The following FLRT1 variants were observed in gnomAD, a reference collection of about 807,000 sequenced individuals.
FLRT1 encodes the protein fibronectin leucine rich transmembrane protein 1, also known as leucine-rich repeat transmembrane protein FLRT1.
A neutral mutation model predicts 30.9 loss-of-function variants in FLRT1; 14 were observed. That is an observed-to-expected ratio of 0.45 (90% CI 0.30 to 0.71). FLRT1 has a LOEUF of 0.71. Ranked by LOEUF, FLRT1 falls within the 30% of genes least tolerant of loss-of-function variation. FLRT1 has a pLI of 0.08. For synonymous variants in FLRT1, 368 were observed against 430.4 expected, an observed-to-expected ratio of 0.85 and a Z score of 1.80; for missense variants, 737 against 949.2, an observed-to-expected ratio of 0.78 and a Z score of 2.94.
At chr11:64,078,679 C>T (rs2134483241) in intron 1 of FLRT1, among the ~76,000 whole-genome samples, 1 of 152,274 alleles carries the variant, frequency 6.6e-6, no homozygotes, top group African/African-American at 2.4e-5. Flanking sequence ...CTTCACCGAG[C>T]TTTGAGGTGC....
At chr11:64,061,253 G>GT (rs1943897716) in intron 1 of FLRT1, among the ~76,000 whole-genome samples, 1 of 152,254 alleles carries the variant, frequency 6.6e-6, no homozygotes, top group South Asian at 2.1e-4. Flanking sequence ...ATCACGCGGT[G>GT]TAATTGCTGG....
chr11:64,105,296 A>G (rs990010174), intron 2 of FLRT1, among the ~76,000 whole-genome samples: 2 of 152,152 alleles, frequency 1.3e-5, no homozygotes, highest in African/African-American at 2.4e-5. Flanking sequence ...GGTCATTCCC[A>G]GGCTGAAGCC....
intron 1 of FLRT1, among the ~76,000 whole-genome samples, chr11:64,038,876 A>T (rs1943432143): frequency 6.6e-6 from 1 of 152,094 alleles, no homozygotes; most frequent in Admixed American, 6.6e-5. Context: ...TCGGCAAGTG[A>T]CCCGTCTTCC....
intron 1 of FLRT1, among the ~76,000 whole-genome samples, chr11:64,043,076 T>A (rs1009497149): frequency 1.4e-4 from 21 of 152,180 alleles, no homozygotes; most frequent in African/African-American, 4.6e-4. Context: ...ATCATCTGAG[T>A]ACCCTGGACG....
At position 64,089,188 on chromosome 11, in the gene FLRT1, G is replaced by A. The variant is rs187057872; in HGVS notation, c.-1037-14006G>A. Reference sequence around the variant, plus strand: ...AGGGCGGGTCGGGGAGTGATCTGACGGGACAAGTGCTCTGCTGAGGGGCTG... The same window carrying A: ...AGGGCGGGTCGGGGAGTGATCTGACAGGACAAGTGCTCTGCTGAGGGGCTG... On this transcript the variant is annotated intron_variant, in intron 1 of 2. Coordinates refer to ENST00000682287, the MANE Select transcript of FLRT1 (RefSeq NM_013280.5). 2.0e-4 allele frequency among the ~76,000 whole-genome samples: 30 copies of A among 152,318 alleles called. 1 individual carries two copies. Among genetic ancestry groups the A allele is most frequent in the Admixed American group, 6.5e-5 (1 of 15,298 alleles).
intron 1 of FLRT1, among the ~76,000 whole-genome samples, chr11:64,058,415 C>T (rs80111407): frequency 0.16 from 24,378 of 152,258 alleles, 3,390 homozygotes; most frequent in East Asian, 0.4. Context: ...GGGGGGGGTC[C>T]TCCCCTGTAT....
chr11:64,074,070 TGGG>T (rs1944157864), intron 1 of FLRT1, among the ~76,000 whole-genome samples: 1 of 151,724 alleles, frequency 6.6e-6, no homozygotes, highest in Non-Finnish European at 1.5e-5. Flanking sequence ...GGGATGGGGG[TGGG>T]GGGAATACCC....
rs751075753 is a variant in FLRT1, at chr11:64,090,209, G to A, written c.-1037-12985G>A. Among the ~76,000 whole-genome samples the A allele has an allele frequency of 2.0e-5, 3 of 152,196 alleles. No homozygotes were observed. Among genetic ancestry groups the A allele is most frequent in the Non-Finnish European group, 2.9e-5 (2 of 68,026 alleles). On this transcript the variant is annotated intron_variant, in intron 1 of 2. Coordinates refer to ENST00000682287, the MANE Select transcript of FLRT1 (RefSeq NM_013280.5). The surrounding 1 kb of genome is among the most constrained non-coding windows in gnomAD (Gnocchi z 4.7). ...CCCGAACAGCCTGAGTCCACAGGGT[G>A]ACAGGGTGTGGGAAAGGCCAACGGG...
At chr11:64,114,265 TG>T (rs1944926887) in intron 2 of FLRT1, among the ~76,000 whole-genome samples, 2 of 149,676 alleles carry the variant, frequency 1.3e-5, no homozygotes, top group Admixed American at 1.3e-4. Flanking sequence ...GGTGGATGGA[TG>T]GATGGATGGA....
intron 1 of FLRT1, among the ~76,000 whole-genome samples, chr11:64,072,030 T>C (rs2134464383): frequency 6.6e-6 from 1 of 152,316 alleles, no homozygotes; most frequent in Admixed American, 6.5e-5. Context: ...AACGCACTAT[T>C]GACCGCCGCG....
rs1358341245 is a variant in FLRT1 at position 64,052,480 on chromosome 11, T to TG, written c.-1038+16324dup. Among the ~76,000 whole-genome samples, 19 of 152,262 alleles carry TG rather than the reference T, an allele frequency of 1.2e-4. No individual in the cohort carries two copies. The East Asian group carries it at 3.7e-3, about 29-fold the overall frequency. On this transcript the variant is annotated intron_variant, in intron 1 of 2. Coordinates refer to ENST00000682287, the MANE Select transcript of FLRT1 (RefSeq NM_013280.5). ...CAGGGGCAGGCCTGGGCCAAGCTTG[T>TG]GGGAAGGTTTAAATGTTGACATGAA...
intron 1 of FLRT1, among the ~76,000 whole-genome samples, chr11:64,075,197 T>C (rs1031141611): frequency 3.9e-5 from 6 of 152,240 alleles, no homozygotes; most frequent in Non-Finnish European, 8.8e-5. Flanking sequence ...GCCATGAGCC[T>C]GGACCATTCT....
intron 1 of FLRT1, among the ~76,000 whole-genome samples, chr11:64,081,229 C>T (rs575347847): frequency 1.5e-4 from 23 of 152,312 alleles, no homozygotes; most frequent in Non-Finnish European, 2.5e-4. Flanking sequence ...ACCATATTGG[C>T]CAGGCTGGTC....
At chr11:64,059,450 C>G (rs896890656) in intron 1 of FLRT1, among the ~76,000 whole-genome samples, 12 of 152,256 alleles carry the variant, frequency 7.9e-5, no homozygotes, top group African/African-American at 2.6e-4. Flanking sequence ...GACAGGGAAG[C>G]GTGGGCCCAC....
At chr11:64,095,941 G>A (rs2134540281) in intron 1 of FLRT1, among the ~76,000 whole-genome samples, 1 of 150,830 alleles carries the variant, frequency 6.6e-6, no homozygotes, top group South Asian at 2.1e-4. Flanking sequence ...ACAGCTCCTC[G>A]CTTTCTCCCT....
At chr11:64,066,294 C>CA (rs59963244) in intron 1 of FLRT1, among the ~76,000 whole-genome samples, 1,665 of 50,386 alleles carry the variant, frequency 0.033, 32 homozygotes, top group Non-Finnish European at 0.041. Flanking sequence ...GAGACTGTCT[C>CA]AAAAAAAAAA....
chr11:64,049,652 G>C (rs1943653216), intron 1 of FLRT1, among the ~76,000 whole-genome samples: 1 of 152,226 alleles, frequency 6.6e-6, no homozygotes, highest in South Asian at 2.1e-4. Context: ...TGCTGAAGGG[G>C]GTGGACGCTG....
Position 64,103,293 on chromosome 11 carries a change from A to G in FLRT1, c.-938A>G, listed in dbSNP as rs1320412087. The G allele has an allele frequency of 1.3e-5, 2 of 152,226 alleles. No individual in the cohort carries two copies. Among genetic ancestry groups the G allele is most frequent in the African/African-American group, 4.8e-5 (2 of 41,444 alleles). 9.4% of individuals were successfully genotyped at this position (152,226 alleles called of 1,614,324 possible). A position where few individuals can be genotyped will look rare whatever the true frequency, so the allele number is the denominator to read the frequency against. On this transcript the variant is annotated 5_prime_UTR_variant, in exon 2 of 3. Coordinates refer to ENST00000682287, the MANE Select transcript of FLRT1 (RefSeq NM_013280.5). ...ACTCATCCTCCCTACCTCCCCAGCAAGGAAACCTCTACAAACAGGAGCAGC... is the reference window on the plus strand; with the variant it reads ...ACTCATCCTCCCTACCTCCCCAGCAGGGAAACCTCTACAAACAGGAGCAGC...
intron 2 of FLRT1, among the ~76,000 whole-genome samples, chr11:64,112,999 T>C (rs1044395934): frequency 1.3e-5 from 2 of 152,226 alleles, no homozygotes; most frequent in Admixed American, 6.5e-5. Flanking sequence ...CCTGGCAGTT[T>C]GGTGACATGA....
Sources: allele counts gnomAD v4.1 joint callset (sites outside exome capture counted in the v4.1 genomes callset), GRCh38; gene constraint gnomAD v4.1.1; non-coding constraint Gnocchi (gnomAD v3.1); transcripts MANE v1.5; gene names NCBI Gene and HGNC (gene_info 2026-07-23, HGNC 2026-07-21).